The following TTC7A variants were observed in gnomAD, a reference collection of about 807,000 sequenced individuals.
The protein encoded by TTC7A is tetratricopeptide repeat protein 7A.
In TTC7A, 110 loss-of-function variants were observed where a neutral mutation model predicts 103.7. That is an observed-to-expected ratio of 1.06 (90% confidence interval 0.91 to 1.24). The LOEUF (loss-of-function observed/expected upper bound fraction) is 1.24. Among genes scored for constraint, TTC7A ranks in the 50% most tolerant of loss-of-function variants. The probability of loss-of-function intolerance (pLI) is 0.00; values close to 1 mark genes in which losing one functional copy is unlikely to be tolerated. For synonymous variants in TTC7A, 521 were observed against 467.9 expected, an observed-to-expected ratio of 1.11 and a Z score of -1.47; for missense variants, 1,340 against 1,116.3, an observed-to-expected ratio of 1.20 and a Z score of -2.86.
intron 11 of TTC7A, among the ~76,000 whole-genome samples, chr2:47,017,464 G>A (rs554975604): frequency 6.6e-6 from 1 of 151,966 alleles, no homozygotes; most frequent in East Asian, 1.9e-4. Flanking sequence ...TTGAGCCCAG[G>A]AGGTCAAGGC....
intron 12 of TTC7A, 72 bp downstream of exon 12, chr2:47,022,051 G>C: frequency 8.9e-7 from 1 of 1,123,316 alleles, no homozygotes; most frequent in South Asian, 1.3e-5. Flanking sequence ...GAGGCATCTT[G>C]TCCTACCGGC....
chr2:47,008,988 G>A (rs959060409), intron 10 of TTC7A, among the ~76,000 whole-genome samples: 7 of 152,118 alleles, frequency 4.6e-5, no homozygotes, highest in Non-Finnish European at 7.4e-5. Flanking sequence ...CGTGGGGGTG[G>A]GGTGGAACGG....
chr2:46,946,597 T>G (rs927968914), intron 1 of TTC7A, among the ~76,000 whole-genome samples: 4 of 152,066 alleles, frequency 2.6e-5, no homozygotes, highest in African/African-American at 9.7e-5. Flanking sequence ...CTAACTTTTT[T>G]TGTGTGTAGC....
At chr2:47,011,463 G>T in intron 11 of TTC7A, 28 bp downstream of exon 11, 1 of 1,566,536 alleles carries the variant, frequency 6.4e-7, no homozygotes. Flanking sequence ...GCAGGTCCCA[G>T]AGGCCTCCTG....
chr2:47,049,867 G>A (rs990502807), intron 16 of TTC7A, 82 bp from the exon 17 acceptor site: 11 of 1,035,578 alleles, frequency 1.1e-5, no homozygotes, highest in African/African-American at 1.6e-5. Flanking sequence ...GCCAGTCCTT[G>A]TGATGCTGGC....
intron 8 of TTC7A, among the ~76,000 whole-genome samples, chr2:47,004,995 T>C (rs774314455): frequency 3.9e-5 from 6 of 152,144 alleles, no homozygotes; most frequent in Non-Finnish European, 8.8e-5. Context: ...GGCTTGGTGA[T>C]GAGGAGCTCC....
chr2:46,993,770 G>A (rs1675875252), intron 6 of TTC7A, among the ~76,000 whole-genome samples: 2 of 152,136 alleles, frequency 1.3e-5, no homozygotes, highest in Admixed American at 6.5e-5. Flanking sequence ...TACTGCCAGC[G>A]CTTCCCTGGG....
At chr2:46,951,691 G>A (rs746910554) in intron 2 of TTC7A, 2 of 456,060 alleles carry the variant, frequency 4.4e-6, no homozygotes, top group South Asian at 1.5e-5. Context: ...GATTACAGGA[G>A]TGAGGCACTG....
chr2:46,969,547 T>C (rs868500148), intron 3 of TTC7A, among the ~76,000 whole-genome samples: 9 of 152,128 alleles, frequency 5.9e-5, no homozygotes, highest in African/African-American at 2.2e-4. Context: ...CCTGAGTAGC[T>C]GGGATTTACA....
At chr2:47,037,953 A>G (rs1379210714) in intron 15 of TTC7A, among the ~76,000 whole-genome samples, 1 of 152,160 alleles carries the variant, frequency 6.6e-6, no homozygotes, top group Admixed American at 6.5e-5. Flanking sequence ...TTTACAGATA[A>G]GAAACTGAAA....
chr2:46,984,745 C>G (rs1320926144), intron 5 of TTC7A, among the ~76,000 whole-genome samples: 2 of 152,156 alleles, frequency 1.3e-5, no homozygotes, highest in Admixed American at 6.6e-5. Flanking sequence ...GCCAGGTGAC[C>G]CCATTCACTA....
chr2:47,014,035 T>G (rs568697814), intron 11 of TTC7A, among the ~76,000 whole-genome samples: 1 of 152,330 alleles, frequency 6.6e-6, no homozygotes, highest in East Asian at 1.9e-4. Flanking sequence ...CATCTGTGTT[T>G]CTTGAGTGCA....
At chr2:46,970,883 A>G (rs961116670) in intron 3 of TTC7A, among the ~76,000 whole-genome samples, 1 of 152,202 alleles carries the variant, frequency 6.6e-6, no homozygotes, top group Admixed American at 6.5e-5. Flanking sequence ...TGTGTTGAGC[A>G]AGGACCTTCA....
Position 46,925,430 on chromosome 2 carries a change from C to T in TTC7A, c.82+8153C>T, listed in dbSNP as rs575052797. On this transcript the variant is annotated intron_variant, in intron 2 of 20. Coordinates refer to the TTC7A transcript ENST00000409245. ...AAAATTAGCCGGGCATGGTGGTGGGCGCTTGTAATCCCAGCTACTTGGGAG... is the reference window on the plus strand; with the variant it reads ...AAAATTAGCCGGGCATGGTGGTGGGTGCTTGTAATCCCAGCTACTTGGGAG... Among the ~76,000 whole-genome samples, 23 of 152,174 alleles carry T rather than the reference C, an allele frequency of 1.5e-4. No individual in the cohort carries two copies. The South Asian group carries it at 2.9e-3, about 19-fold the overall frequency.
intron 2 of TTC7A, among the ~76,000 whole-genome samples, chr2:46,952,499 C>G (rs962557796): frequency 6.6e-6 from 1 of 152,198 alleles, no homozygotes; most frequent in Non-Finnish European, 1.5e-5. Context: ...CGCCTGTAGT[C>G]TTAGCACTTT....
rs747356513 is a variant in TTC7A at position 47,021,924 on chromosome 2, C to T, written c.1455C>T (p.Phe485=). 32 of 1,614,062 alleles carry T rather than the reference C, an allele frequency of 2.0e-5. No homozygotes were observed. The highest frequency in any genetic ancestry group is 5.5e-5 in the South Asian group (5 of 91,088). The part of the protein sequence containing the change: ...VISLGEEAGE[F]LPKGYLALGL... ...GCCTCGGAGAGGAAGCCGGGGAGTTCCTCCCCAAGGGCTACCTGGCTCTGG... is the reference window on the plus strand; with the variant it reads ...GCCTCGGAGAGGAAGCCGGGGAGTTTCTCCCCAAGGGCTACCTGGCTCTGG... The change falls in exon 12 of 20, where the codon TTC becomes TTT. Residue 485 remains phenylalanine (F), a synonymous_variant. Transcript: ENST00000319190.
intron 19 of TTC7A, among the ~76,000 whole-genome samples, chr2:47,069,841 G>A (rs1462033383): frequency 6.6e-6 from 1 of 152,224 alleles, no homozygotes; most frequent in African/African-American, 2.4e-5. Context: ...CAGCCCTGGT[G>A]TCCCCAAACG....
At chr2:46,983,769 A>G (rs898561812) in intron 5 of TTC7A, among the ~76,000 whole-genome samples, 4 of 152,212 alleles carry the variant, frequency 2.6e-5, no homozygotes, top group Non-Finnish European at 5.9e-5. Context: ...CTTATGGGAA[A>G]GTCTGTAAAA....
intron 3 of TTC7A, among the ~76,000 whole-genome samples, chr2:46,973,646 C>T (rs1673577230): frequency 6.6e-6 from 1 of 152,334 alleles, no homozygotes; most frequent in East Asian, 1.9e-4. Flanking sequence ...AACCCCCTGC[C>T]TCAGCTCCAG....
Sources: gnomAD v4.1 joint callset for allele counts (sites outside exome capture counted in the v4.1 genomes callset) on GRCh38, gnomAD v4.1.1 for gene constraint, MANE v1.5 for transcripts, NCBI Gene and HGNC (gene_info 2026-07-23, HGNC 2026-07-21) for gene names.